ILDR2: variants seen among roughly 807,000 people sequenced by gnomAD.
ILDR2 encodes immunoglobulin like domain containing receptor 2.
ILDR2 carries 25 observed loss-of-function variants against 66.8 expected under a neutral mutation model. The observed-to-expected ratio is 0.37, with a 90% CI of 0.27 to 0.52. The LOEUF is 0.52. Ranked by LOEUF, ILDR2 falls within the 20% of genes least tolerant of loss-of-function variation. ILDR2 has a pLI of 0.88. For missense variants in ILDR2, 827 were observed against 876.8 expected (o/e 0.94, Z 0.72); for synonymous variants, 367 against 357.2 (o/e 1.03, Z -0.31).
chr1:166,914,944 G>C lies in ILDR2; in HGVS notation c.*4411C>G, dbSNP rs1571088952. On this transcript the variant is annotated 3_prime_UTR_variant, in exon 10 of 10. Coordinates refer to ENST00000271417, the MANE Select transcript of ILDR2 (RefSeq NM_199351.3). ...CCAACTTTAGGTAAGACCAAAGTGG[G>C]AGTGCTATTGGCCAGTCATCCTTAT... The C allele has an allele frequency of 6.6e-6, 1 of 152,216 alleles. No individual in the cohort carries two copies. The highest frequency in any genetic ancestry group is 1.5e-5 in the Non-Finnish European group (1 of 68,034). 9.4% of individuals were successfully genotyped at this position (152,216 alleles called of 1,614,324 possible). A position where few individuals can be genotyped will look rare whatever the true frequency, so the allele number is the denominator to read the frequency against.
chr1:166,969,042 G>A (rs1243884123), intron 1 of ILDR2, among the ~76,000 whole-genome samples: 1 of 152,140 alleles, frequency 6.6e-6, no homozygotes, highest in Non-Finnish European at 1.5e-5. Context: ...CAAACATTGT[G>A]CTAGAAGTTT....
chr1:166,902,108 C>T (rs1659275241), intron 2 of ILDR2, among the ~76,000 whole-genome samples: 1 of 152,228 alleles, frequency 6.6e-6, no homozygotes, highest in Non-Finnish European at 1.5e-5. Context: ...GATACACCCG[C>T]CTTGGCCTCC....
intron 3 of ILDR2, among the ~76,000 whole-genome samples, chr1:166,950,758 C>T (rs558851189): frequency 3.6e-4 from 54 of 151,596 alleles, no homozygotes; most frequent in African/African-American, 1.3e-3. Flanking sequence ...CACACACACA[C>T]GCCTACCCAT....
At chr1:166,957,007 AAAAC>A (rs1314147382) in intron 2 of ILDR2, among the ~76,000 whole-genome samples, 155 bp from the exon 3 acceptor site, 1 of 152,206 alleles carries the variant, frequency 6.6e-6, no homozygotes, top group African/African-American at 2.4e-5. Flanking sequence ...TGCTTTGCTT[AAAAC>A]AAACAAACAA....
chr1:166,928,297 A>T (rs1660424849), intron 6 of ILDR2, among the ~76,000 whole-genome samples: 1 of 152,216 alleles, frequency 6.6e-6, no homozygotes, highest in Non-Finnish European at 1.5e-5. Flanking sequence ...GGAAAAATTT[A>T]GCAGTGCCAG....
Position 166,921,011 on chromosome 1 carries a change from G to C in ILDR2, c.1580C>G (p.Ser527Trp), listed in dbSNP as rs1659896699. The C allele has an allele frequency of 4.6e-6, 7 of 1,513,056 alleles. No individual in the cohort carries two copies. The highest frequency in any genetic ancestry group is 6.1e-6 in the Non-Finnish European group (7 of 1,142,314). The allele number at this position is 1,513,056 out of a possible 1,614,324, so 93.7% of individuals were successfully genotyped here. Residue 527 changes from serine (S) to tryptophan (W), a missense_variant, in exon 9 of 10, where the codon TCG (serine) becomes TGG (tryptophan). Physicochemically the swap from Ser to Trp is radical, Grantham distance 177. Around this residue, in one of 2 missense-constraint regions of ILDR2, gnomAD observed 390 missense variants for 353.6 expected, o/e 1.10. Coordinates refer to ENST00000271417, the MANE Select transcript of ILDR2 (RefSeq NM_199351.3). The surrounding 1 kb of genome is among the most constrained non-coding windows in gnomAD (Gnocchi z 5.3). ...TPGTAPKYDH[S>W]YLGSARERQA... ...GCGCTCCCGCGCGCTGCCCAGGTAC[G>C]AGTGGTCGTATTTGGGTGCGGTGCC...
At chr1:166,900,345 C>T (rs750425215) in intron 2 of ILDR2, among the ~76,000 whole-genome samples, 3 of 152,134 alleles carry the variant, frequency 2.0e-5, no homozygotes, top group Non-Finnish European at 2.9e-5. Flanking sequence ...ATGTCTGTCC[C>T]TTTTCCATTT....
In ILDR2 at chr1:166,936,848, A is replaced by G; in HGVS notation, c.557-111T>C. Reference sequence around the variant, plus strand: ...GGGGAGAGGAGGAGGGACCTAGGGAAGAAAGCTTCTCTTAACAGGAGACAG... The same window carrying G: ...GGGGAGAGGAGGAGGGACCTAGGGAGGAAAGCTTCTCTTAACAGGAGACAG... On this transcript the variant is annotated intron_variant, in intron 4 of 9. Transcript: ENST00000271417. This position sits in a 1 kb window ranked among gnomAD's most constrained non-coding sequence, Gnocchi z 5.0. The G allele has an allele frequency of 9.6e-7, 1 of 1,038,942 alleles. No individual in the cohort carries two copies. Among genetic ancestry groups the G allele is most frequent in the Non-Finnish European group, 1.4e-6 (1 of 696,872 alleles). The allele number at this position is 1,038,942 out of a possible 1,614,324, so 64.4% of individuals were successfully genotyped here.
At chr1:166,961,781 G>A (rs574641155) in intron 1 of ILDR2, among the ~76,000 whole-genome samples, 1 of 152,316 alleles carries the variant, frequency 6.6e-6, no homozygotes, top group South Asian at 2.1e-4. Context: ...CGCAAGTACA[G>A]AGATCAAGGT....
chr1:166,902,305 C>T (rs1659278749), intron 2 of ILDR2, among the ~76,000 whole-genome samples: 1 of 152,242 alleles, frequency 6.6e-6, no homozygotes, highest in Non-Finnish European at 1.5e-5. Flanking sequence ...AACATAAACT[C>T]TGAATCAACC....
In ILDR2 at chr1:166,914,116, CA is replaced by C. The variant is rs11443216; in HGVS notation, c.*5238del. On this transcript the variant is annotated 3_prime_UTR_variant, in exon 10 of 10. Transcript: ENST00000271417. ...TGGGCCACAGAGCAAGACCCTGTCT[CA>C]AAAAAAAAAAAAAGAAAGAAAAAGA... The C allele has an allele frequency of 0.15, 20,391 of 135,502 alleles. 1,573 individuals carry two copies. Among genetic ancestry groups the C allele is most frequent in the Middle Eastern group, 0.2 (53 of 264 alleles). 8.4% of individuals were successfully genotyped at this position (135,502 alleles called of 1,614,324 possible). A position where few individuals can be genotyped will look rare whatever the true frequency, so the allele number is the denominator to read the frequency against.
intron 1 of ILDR2, among the ~76,000 whole-genome samples, chr1:166,967,285 C>T (rs1172130627): frequency 6.6e-6 from 1 of 152,164 alleles, no homozygotes; most frequent in Non-Finnish European, 1.5e-5. Flanking sequence ...GTAGGCTTAT[C>T]CCCACAGATT....
chr1:166,899,149 TAGG>T (rs1659221028), intron 2 of ILDR2, among the ~76,000 whole-genome samples: 1 of 152,064 alleles, frequency 6.6e-6, no homozygotes, highest in African/African-American at 2.4e-5. Context: ...CCCAGCACTT[TAGG>T]AGGCCAAGGC....
chr1:166,947,956 G>A (rs1190496334), intron 3 of ILDR2, among the ~76,000 whole-genome samples: 1 of 152,170 alleles, frequency 6.6e-6, no homozygotes, highest in African/African-American at 2.4e-5. Flanking sequence ...TTAACACAGG[G>A]CAGTGAACGG....
chr1:166,949,377 A>G (rs1478893365), intron 3 of ILDR2, among the ~76,000 whole-genome samples: 3 of 152,250 alleles, frequency 2.0e-5, no homozygotes, highest in African/African-American at 7.2e-5. Flanking sequence ...CTTCAGAAAT[A>G]TATCTTTTAT....
At chr1:166,965,620 T>C (rs1346090014) in intron 1 of ILDR2, among the ~76,000 whole-genome samples, 1 of 146,900 alleles carries the variant, frequency 6.8e-6, no homozygotes, top group Non-Finnish European at 1.5e-5. Context: ...TCACCCAGGC[T>C]GGAGTGCAGT....
Position 166,919,401 on chromosome 1 carries a change from G to A in ILDR2, c.1885-11C>T, listed in dbSNP as rs534070695. On this transcript the variant is annotated splice_polypyrimidine_tract_variant and intron_variant, in intron 9 of 9. Coordinates refer to ENST00000271417, the MANE Select transcript of ILDR2 (RefSeq NM_199351.3). ...GGTTGGAAAGTCATTCTAGGAAAGA[G>A]CAGAAAGAGCCCAACATTAAGCCAC... The A allele has an allele frequency of 1.3e-5, 21 of 1,604,174 alleles. No individual in the cohort carries two copies. In the South Asian group the frequency reaches 1.9e-4, roughly 14 times the overall value.
intron 2 of ILDR2, among the ~76,000 whole-genome samples, chr1:166,899,532 G>A (rs1398483983): frequency 1.3e-5 from 2 of 152,196 alleles, no homozygotes; most frequent in African/African-American, 4.8e-5. Context: ...GTAATTGAGT[G>A]TAATCTATTT....
intron 3 of ILDR2, among the ~76,000 whole-genome samples, chr1:166,949,653 C>A (rs922077841): frequency 6.6e-6 from 1 of 152,294 alleles, no homozygotes; most frequent in East Asian, 1.9e-4. Context: ...TTTGAAGGAA[C>A]CACAAGCCCT....
Sources: allele counts gnomAD v4.1 joint callset (sites outside exome capture counted in the v4.1 genomes callset), GRCh38; gene constraint gnomAD v4.1.1; regional missense constraint gnomAD v4.1.1; non-coding constraint Gnocchi (gnomAD v3.1); transcripts MANE v1.5; gene names NCBI Gene and HGNC (gene_info 2026-07-23, HGNC 2026-07-21).